Variants in SNX29 observed in about 807,000 individuals in gnomAD.
SNX29 encodes the protein sorting nexin-29.
Under a neutral mutation model 102.1 loss-of-function variants are expected in SNX29, and 78 were observed. That is an observed-to-expected ratio of 0.76 (90% CI 0.64 to 0.92). The LOEUF is 0.92. Among genes scored for constraint, SNX29 ranks in the 40% least tolerant of loss-of-function variants. The pLI is 0.00. For missense variants in SNX29, 1,280 were observed against 1,061.7 expected, an observed-to-expected ratio of 1.21 and a Z score of -2.86; for synonymous variants, 580 against 414.5, an observed-to-expected ratio of 1.40 and a Z score of -4.85.
intron 15 of SNX29, among the ~76,000 whole-genome samples, chr16:12,351,957 C>T (rs2082002080): frequency 1.3e-5 from 2 of 152,150 alleles, no homozygotes; most frequent in African/African-American, 2.4e-5. Context: ...GATACTTACC[C>T]AGTCCCCTTT....
At chr16:12,558,145 C>T (rs543477152) in intron 20 of SNX29, among the ~76,000 whole-genome samples, 518 of 152,300 alleles carry the variant, frequency 3.4e-3, no homozygotes, top group Non-Finnish European at 5.7e-3. Flanking sequence ...ATAATCCTTT[C>T]CATCCTTAGC....
At chr16:12,059,484 G>T (rs1195845005) in intron 8 of SNX29, among the ~76,000 whole-genome samples, 2 of 152,328 alleles carry the variant, frequency 1.3e-5, no homozygotes, top group East Asian at 3.9e-4. Context: ...CCTCATTGTG[G>T]TATGGGCATG....
chr16:12,253,659 C>T (rs1025265441), intron 14 of SNX29, among the ~76,000 whole-genome samples: 2 of 152,020 alleles, frequency 1.3e-5, no homozygotes, highest in African/African-American at 2.4e-5. Flanking sequence ...AGAGAGGAGG[C>T]GGAGAAGCCA....
At chr16:12,168,694 C>T (rs747849174) in intron 13 of SNX29, among the ~76,000 whole-genome samples, 52 of 152,208 alleles carry the variant, frequency 3.4e-4, no homozygotes, top group Admixed American at 3.4e-3. Context: ...GCGCTTCAGC[C>T]ACATTTCTGG....
intron 20 of SNX29, among the ~76,000 whole-genome samples, chr16:12,548,041 A>G (rs757955032): frequency 2.0e-5 from 3 of 152,148 alleles, no homozygotes; most frequent in Admixed American, 6.5e-5. Context: ...TGGTAAGGCA[A>G]GCACCACCCC....
At position 12,568,364 on chromosome 16, in the gene SNX29, C is replaced by T. The variant is rs116761610; in HGVS notation, c.2319-142C>T. 1,605 of 1,118,736 alleles carry T rather than the reference C, an allele frequency of 1.4e-3. 17 individuals carry two copies. The African/African-American group carries it at 0.022, about 15-fold the overall frequency. 69.3% of individuals were successfully genotyped at this position (1,118,736 alleles called of 1,614,324 possible). A position where few individuals can be genotyped will look rare whatever the true frequency, so the allele number is the denominator to read the frequency against. ...AGGGGTTTCTCATTTCTTCAGGTGGCACCAGTTAGAGGCAGATCCAATGAG... is the reference window on the plus strand; with the variant it reads ...AGGGGTTTCTCATTTCTTCAGGTGGTACCAGTTAGAGGCAGATCCAATGAG... On this transcript the variant is annotated intron_variant, in intron 20 of 20. Transcript: ENST00000566228.
intron 13 of SNX29, among the ~76,000 whole-genome samples, chr16:12,160,078 A>G (rs1348471798): frequency 2.0e-5 from 3 of 152,132 alleles, no homozygotes; most frequent in Non-Finnish European, 2.9e-5. Context: ...GCCAAGTGGG[A>G]ATGATGAGAT....
intron 20 of SNX29, among the ~76,000 whole-genome samples, chr16:12,528,722 T>G: frequency 6.6e-6 from 1 of 152,236 alleles, no homozygotes; most frequent in East Asian, 1.9e-4. Flanking sequence ...TCTTCTCCAC[T>G]GCTCCCACGG....
intron 20 of SNX29, among the ~76,000 whole-genome samples, chr16:12,544,227 C>T (rs905471756): frequency 6.6e-6 from 1 of 152,194 alleles, no homozygotes; most frequent in Non-Finnish European, 1.5e-5. Flanking sequence ...GGTTCCTCAC[C>T]ACACCAAGAT....
At chr16:12,523,826 G>A (rs943117322) in intron 19 of SNX29, among the ~76,000 whole-genome samples, 3 of 152,184 alleles carry the variant, frequency 2.0e-5, no homozygotes, top group African/African-American at 4.8e-5. Flanking sequence ...CTGGGGCCAC[G>A]CTGCACAGCC....
intron 18 of SNX29, among the ~76,000 whole-genome samples, chr16:12,444,674 C>T (rs2085964240): frequency 6.6e-6 from 1 of 152,052 alleles, no homozygotes; most frequent in South Asian, 2.1e-4. Context: ...TCCATGGCCT[C>T]CAAGCCTCAC....
At chr16:12,563,148 C>T (rs999714029) in intron 20 of SNX29, among the ~76,000 whole-genome samples, 5 of 151,938 alleles carry the variant, frequency 3.3e-5, no homozygotes, top group Admixed American at 6.6e-5. Context: ...CTCATCCCAG[C>T]TCCAGGGGGG....
intron 20 of SNX29, among the ~76,000 whole-genome samples, chr16:12,551,159 C>T (rs542799884): frequency 6.6e-6 from 1 of 152,186 alleles, no homozygotes; most frequent in South Asian, 2.1e-4. Flanking sequence ...TCTCAGAAAA[C>T]CCTCAGTACC....
At chr16:12,033,080 C>G (rs1186828205) in intron 4 of SNX29, among the ~76,000 whole-genome samples, 1 of 151,964 alleles carries the variant, frequency 6.6e-6, no homozygotes, top group African/African-American at 2.4e-5. Flanking sequence ...GTCTCGAGCT[C>G]CTGGCCTCAA....
chr16:12,065,960 C>T (rs966090734), intron 9 of SNX29, among the ~76,000 whole-genome samples: 7 of 152,100 alleles, frequency 4.6e-5, no homozygotes, highest in Non-Finnish European at 1.0e-4. Context: ...GTCTTGGGGG[C>T]CTTAAGGATG....
chr16:12,206,019 C>G (rs899578127), intron 14 of SNX29, among the ~76,000 whole-genome samples: 1 of 152,214 alleles, frequency 6.6e-6, no homozygotes, highest in African/African-American at 2.4e-5. Flanking sequence ...ATAGACCTTT[C>G]TTCTAGTGCC....
chr16:12,545,363 C>CA (rs1016464524), intron 20 of SNX29: 2 of 152,174 alleles, frequency 1.3e-5, no homozygotes, highest in African/African-American at 4.8e-5. Context: ...TACAGAGTGA[C>CA]AACCCATTGT....
chr16:12,148,783 C>T (rs1167283778), intron 13 of SNX29, among the ~76,000 whole-genome samples: 1 of 152,122 alleles, frequency 6.6e-6, no homozygotes, highest in Non-Finnish European at 1.5e-5. Flanking sequence ...CCGCAACCTC[C>T]ACCTCCCGGG....
intron 19 of SNX29, among the ~76,000 whole-genome samples, chr16:12,509,738 G>A (rs2089527170): frequency 6.6e-6 from 1 of 152,170 alleles, no homozygotes; most frequent in African/African-American, 2.4e-5. Flanking sequence ...GAGCAACATA[G>A]TGAGAGCTTG....
Sources: gnomAD v4.1 joint callset for allele counts (sites outside exome capture counted in the v4.1 genomes callset) on GRCh38, gnomAD v4.1.1 for gene constraint, MANE v1.5 for transcripts, NCBI Gene and HGNC (gene_info 2026-07-23, HGNC 2026-07-21) for gene names.